The following ESS2 variants were observed in gnomAD, a reference collection of about 807,000 sequenced individuals.
The protein encoded by ESS2 is splicing factor ESS-2 homolog.
In ESS2, 31 loss-of-function variants were observed where a neutral mutation model predicts 52.0. That is an observed-to-expected ratio of 0.60 (90% CI 0.45 to 0.81). ESS2 has a LOEUF of 0.81. ESS2 is among the 30% of genes least tolerant of loss of function. The probability of loss-of-function intolerance (pLI) is 0.00; values close to 1 mark genes in which losing one functional copy is unlikely to be tolerated. For missense variants in ESS2, 602 were observed against 637.2 expected, an observed-to-expected ratio of 0.94 and a Z score of 0.59; for synonymous variants, 285 against 259.2, an observed-to-expected ratio of 1.10 and a Z score of -0.95.
chr22:19,142,982 G>A lies in ESS2; in HGVS notation c.136-88C>T, dbSNP rs1725009361. ...AACACTTTGGGAGGCCAAGGGAGGT[G>A]GATCATGAGGTCAGAAGTTCAAGAC... is the stretch of plus-strand genomic sequence containing the variant. On this transcript the variant is annotated intron_variant, in intron 1 of 9. Transcript: ENST00000252137. The A allele has an allele frequency of 2.3e-6, 3 of 1,299,452 alleles. No individual in the cohort carries two copies. In the South Asian group the frequency reaches 4.2e-5, roughly 18 times the overall value. The allele number at this position is 1,299,452 out of a possible 1,614,324, so 80.5% of individuals were successfully genotyped here.
At chr22:19,142,500 T>G (rs2083704225) in intron 3 of ESS2, 38 bp downstream of exon 3, 1 of 1,552,938 alleles carries the variant, frequency 6.4e-7, no homozygotes, top group Admixed American at 1.9e-5. Flanking sequence ...TCCCAGGCAA[T>G]CCTGACCATG....
At chr22:19,142,481 G>T in intron 3 of ESS2, 57 bp downstream of exon 3, 2 of 1,504,602 alleles carry the variant, frequency 1.3e-6, no homozygotes, top group Non-Finnish European at 9.0e-7. Flanking sequence ...GGGCCTCACA[G>T]GCTAAGATTC....
rs769095313 is a variant in ESS2, at chr22:19,137,386, T to C, written c.972A>G (p.Thr324=). 14 of 1,613,542 alleles carry C rather than the reference T, an allele frequency of 8.7e-6. No individual in the cohort carries two copies. In the African/African-American group the frequency reaches 1.7e-4, roughly 20 times the overall value. Residue 324 remains threonine (T), a synonymous_variant, in exon 8 of 10, where the codon ACA becomes ACG. Transcript: ENST00000252137. ...PMMTWGEVEN[T]PLRVEGSETP... ...TTTCCGACCCTTCAACTCTCAAGGG[T>C]GTGTTCTCAACCTCCCCCCAGGTCA...
chr22:19,142,829 C>A lies in ESS2; in HGVS notation c.201G>T (p.Glu67Asp). 6.2e-7 allele frequency: 1 copy of A among 1,614,128 alleles called. No individual in the cohort carries two copies. The highest frequency in any genetic ancestry group is 8.5e-7 in the Non-Finnish European group (1 of 1,180,040). ...PDVEKLQAQK[E>D]YLEAEENGDL... Reference sequence around the variant, plus strand: ...CTCCATTCTCCTCGGCTTCCAGGTACTCCTTCTGTGCCTGGAGCTTCTCCA... The same window carrying A: ...CTCCATTCTCCTCGGCTTCCAGGTAATCCTTCTGTGCCTGGAGCTTCTCCA... The change falls in exon 2 of 10, where the codon GAG (glutamate) becomes GAT (aspartate). Residue 67 changes from glutamate (E) to aspartate (D), a missense_variant. Physicochemically the swap from Glu to Asp is conservative, Grantham distance 45 (BLOSUM62 2). Transcript: ENST00000252137.
At chr22:19,141,051 G>A (rs1239320706) in intron 3 of ESS2, among the ~76,000 whole-genome samples, 5 of 151,864 alleles carry the variant, frequency 3.3e-5, no homozygotes, top group Admixed American at 6.6e-5. Flanking sequence ...GGAGGCCAAG[G>A]TGGGAGGATC....
chr22:19,136,960 G>A (rs946125420), intron 8 of ESS2, among the ~76,000 whole-genome samples: 62 of 152,218 alleles, frequency 4.1e-4, no homozygotes, highest in African/African-American at 1.5e-3. Context: ...TGTCCCAATC[G>A]TGTTCTGTAA....
chr22:19,139,325 C>A, intron 5 of ESS2, 33 bp from the exon 6 acceptor site: 1 of 1,550,452 alleles, frequency 6.4e-7, no homozygotes. Context: ...CAGCAGGTGT[C>A]AGAAGGGCAG....
chr22:19,143,837 A>G (rs2083737589), intron 1 of ESS2, among the ~76,000 whole-genome samples: 1 of 152,204 alleles, frequency 6.6e-6, no homozygotes, highest in African/African-American at 2.4e-5. Context: ...TCCAGCCTGG[A>G]CGACGAGCGA....
chr22:19,142,846 G>A lies in ESS2; in HGVS notation c.184C>T (p.Leu62Phe). The A allele has an allele frequency of 1.2e-6, 2 of 1,614,078 alleles. No homozygotes were observed. Among genetic ancestry groups the A allele is most frequent in the Non-Finnish European group, 1.7e-6 (2 of 1,180,028 alleles). Reference sequence around the variant, plus strand: ...TCCAGGTACTCCTTCTGTGCCTGGAGCTTCTCCACATCAGGAAAGAAATCC... The same window carrying A: ...TCCAGGTACTCCTTCTGTGCCTGGAACTTCTCCACATCAGGAAAGAAATCC... Reference protein sequence around the residue: ...QRDFFPDVEKLQAQKEYLEAE... With the variant: ...QRDFFPDVEKFQAQKEYLEAE... The change falls in exon 2 of 10, where the codon CTC becomes TTC. Residue 62 changes from leucine (L) to phenylalanine (F), a missense_variant. Physicochemically the swap from Leu to Phe is conservative, Grantham distance 22. Transcript: ENST00000252137.
Position 19,144,524 on chromosome 22 carries a change from G to A in ESS2, c.117C>T (p.Asp39=), listed in dbSNP as rs1569115426. 1.2e-6 allele frequency: 2 copies of A among 1,609,996 alleles called. No homozygotes were observed. The highest frequency in any genetic ancestry group is 2.2e-5 in the South Asian group (2 of 91,014). The change falls in exon 1 of 10, where the codon GAC becomes GAT. Residue 39 remains aspartate, a synonymous_variant. Coordinates refer to ENST00000252137, the MANE Select transcript of ESS2 (RefSeq NM_022719.3). The part of the protein sequence containing the change: ...GAATSKQRVL[D]EEEYIEGLQT... ...GTCGTACCTCGATATACTCTTCCTC[G>A]TCCAGGACCCGCTGCTTGCTCGTCG...
chr22:19,142,666 G>C (rs776345513), intron 2 of ESS2, 33 bp from the exon 3 acceptor site: 12 of 1,610,166 alleles, frequency 7.5e-6, no homozygotes, highest in African/African-American at 2.7e-5. Context: ...GAATTAGAGT[G>C]AGCCTGAAGC....
rs1244544439 is a variant in ESS2, at chr22:19,137,808, A to C, written c.926-376T>G. ...TGACACAGCACCAGCACCCAAGAGC[A>C]CAGAGGCCAGAGTGCAGAGGGACAC... On this transcript the variant is annotated intron_variant, in intron 7 of 9. Coordinates refer to ENST00000252137, the MANE Select transcript of ESS2 (RefSeq NM_022719.3). The C allele has an allele frequency of 4.1e-6, 4 of 985,298 alleles. No homozygotes were observed. In the East Asian group the frequency reaches 4.5e-4, roughly 112 times the overall value. The allele number at this position is 985,298 out of a possible 1,614,324, so 61.0% of individuals were successfully genotyped here.
chr22:19,144,179 C>T (rs765810121), intron 1 of ESS2: 2 of 1,105,336 alleles, frequency 1.8e-6, no homozygotes, highest in Non-Finnish European at 2.2e-6. Flanking sequence ...TTCACACTTG[C>T]TGCCACCGCT....
At position 19,131,249 on chromosome 22, in the gene ESS2, C is replaced by T. The variant is rs1275847450; in HGVS notation, c.*2947G>A. 4.6e-6 allele frequency: 3 copies of T among 653,140 alleles called. No individual in the cohort carries two copies. Among genetic ancestry groups the T allele is most frequent in the East Asian group, 2.7e-5 (1 of 37,004 alleles). 40.5% of individuals were successfully genotyped at this position (653,140 alleles called of 1,614,324 possible). On this transcript the variant is annotated 3_prime_UTR_variant, in exon 10 of 10. Coordinates refer to ENST00000252137, the MANE Select transcript of ESS2 (RefSeq NM_022719.3). This position sits in a 1 kb window ranked among gnomAD's most constrained non-coding sequence, Gnocchi z 5.7. The stretch of plus-strand genomic sequence containing the variant: ...TATGAGTTCATTGGCTGAAGTCACC[C>T]GGAGACAATGCTGAGTGTTCCACCC...
At chr22:19,142,490 TC>T (rs1220173881) in intron 3 of ESS2, 47 bp downstream of exon 3, 3 of 1,526,334 alleles carry the variant, frequency 2.0e-6, no homozygotes, top group Non-Finnish European at 2.6e-6. Flanking sequence ...AGGCTAAGAT[TC>T]CCAGGCAATC....
In ESS2 at chr22:19,133,928, C is replaced by T; in HGVS notation, c.*268G>A. 1 of 359,670 alleles carries T rather than the reference C, an allele frequency of 2.8e-6. No homozygotes were observed. The highest frequency in any genetic ancestry group is 4.9e-6 in the Non-Finnish European group (1 of 203,078). 22.3% of individuals were successfully genotyped at this position (359,670 alleles called of 1,614,324 possible). A position where few individuals can be genotyped will look rare whatever the true frequency, so the allele number is the denominator to read the frequency against. Reference sequence around the variant, plus strand: ...TGTGGGGAGCAAGATGGAGAGGCAACCCCCCAGACTGTACCTAGGTGTTCT... The same window carrying T: ...TGTGGGGAGCAAGATGGAGAGGCAATCCCCCAGACTGTACCTAGGTGTTCT... On this transcript the variant is annotated 3_prime_UTR_variant, in exon 10 of 10. Transcript: ENST00000252137.
intron 1 of ESS2, among the ~76,000 whole-genome samples, chr22:19,143,202 CAAAAA>C (rs10632625): frequency 2.7e-5 from 3 of 113,056 alleles, no homozygotes; most frequent in African/African-American, 3.5e-5. Context: ...GAGACCGTCT[CAAAAA>C]AAAAAAAAAA....
intron 1 of ESS2, among the ~76,000 whole-genome samples, chr22:19,143,224 AAAAG>A (rs2083724606): frequency 6.6e-6 from 1 of 151,570 alleles, no homozygotes; most frequent in African/African-American, 2.4e-5. Context: ...AAAAAAAGAA[AAAAG>A]AAAGTCGGAG....
chr22:19,141,829 A>G (rs972768132), intron 3 of ESS2, among the ~76,000 whole-genome samples: 1 of 152,100 alleles, frequency 6.6e-6, no homozygotes, highest in Admixed American at 6.6e-5. Flanking sequence ...CTCTACTACA[A>G]AATACAAAAA....
Sources: gnomAD v4.1 joint callset for allele counts (sites outside exome capture counted in the v4.1 genomes callset) on GRCh38, gnomAD v4.1.1 for gene constraint, Gnocchi (gnomAD v3.1) non-coding constraint, MANE v1.5 for transcripts, NCBI Gene and HGNC (gene_info 2026-07-23, HGNC 2026-07-21) for gene names.